Variants in PANK4 observed in about 807,000 individuals in gnomAD.
PANK4 encodes the protein pantothenate kinase 4 (inactive), also known as 4'-phosphopantetheine phosphatase.
PANK4 carries 40 observed loss-of-function variants against 87.9 expected under a neutral mutation model. The ratio of observed to expected loss-of-function variants is 0.46; its 90% confidence interval spans 0.35 to 0.59. The LOEUF is 0.59. Ranked by LOEUF, PANK4 falls within the 20% of genes least tolerant of loss-of-function variation. The probability of loss-of-function intolerance (pLI) is 0.00; values close to 1 mark genes in which losing one functional copy is unlikely to be tolerated. For synonymous variants in PANK4, 524 were observed against 467.4 expected (o/e 1.12, Z -1.56); for missense variants, 926 against 1,072.3 (o/e 0.86, Z 1.90).
intron 12 of PANK4, 90 bp downstream of exon 12, chr1:2,513,912 T>G: frequency 1.0e-6 from 1 of 954,912 alleles, no homozygotes; most frequent in Non-Finnish European, 1.7e-6. Flanking sequence ...CAGGACAGGA[T>G]GCCCCGAGCC....
chr1:2,508,750 A>T lies in PANK4; in HGVS notation c.*97T>A. On this transcript the variant is annotated 3_prime_UTR_variant, in exon 19 of 19. Coordinates refer to ENST00000378466, the MANE Select transcript of PANK4 (RefSeq NM_018216.4). The surrounding 1 kb of genome is among the most constrained non-coding windows in gnomAD (Gnocchi z 5.1). Reference sequence around the variant, plus strand: ...GGTGTATGTGCCGCGTCACAGCAGTACCATATAAATACGTTGATTTGAACG... The same window carrying T: ...GGTGTATGTGCCGCGTCACAGCAGTTCCATATAAATACGTTGATTTGAACG... 1.3e-6 allele frequency: 1 copy of T among 753,882 alleles called. No individual in the cohort carries two copies. The highest frequency in any genetic ancestry group is 2.3e-6 in the Non-Finnish European group (1 of 437,652). 46.7% of individuals were successfully genotyped at this position (753,882 alleles called of 1,614,324 possible). A position where few individuals can be genotyped will look rare whatever the true frequency, so the allele number is the denominator to read the frequency against.
intron 1 of PANK4, 31 bp downstream of exon 1, chr1:2,526,433 A>C (rs1570556161): frequency 8.4e-7 from 1 of 1,193,092 alleles, no homozygotes; most frequent in Non-Finnish European, 1.1e-6. Flanking sequence ...CCGCCCCCGC[A>C]GCCCGCGCCC....
Position 2,514,401 on chromosome 1 carries a change from G to C in PANK4, c.1440C>G (p.Phe480Leu). The C allele has an allele frequency of 6.8e-6, 11 of 1,612,436 alleles. No individual in the cohort carries two copies. The highest frequency in any genetic ancestry group is 8.5e-6 in the Non-Finnish European group (10 of 1,179,894). The change falls in exon 11 of 19, where the codon TTC (phenylalanine) becomes TTG (leucine). Residue 480 changes from phenylalanine to leucine, a missense_variant. Physicochemically the swap from Phe to Leu is conservative, Grantham distance 22. Transcript: ENST00000378466. ...GAAGCTTGTTCCAGTACTTCTGCCG[G>C]AACTTCTCCGCCCTCTCGGCTGCAT... ...SVDAAERAEKFRQKYWNKLQT... is the reference protein window; with the variant it reads ...SVDAAERAEKLRQKYWNKLQT...
chr1:2,511,790 T>C (rs1643666587), intron 13 of PANK4, 107 bp from the exon 14 acceptor site: 4 of 718,866 alleles, frequency 5.6e-6, no homozygotes, highest in Non-Finnish European at 1.0e-5. Flanking sequence ...CAGAGGCAGC[T>C]GCTCAATGTA....
At chr1:2,524,512 G>C (rs760117419) in intron 1 of PANK4, among the ~76,000 whole-genome samples, 9 of 152,138 alleles carry the variant, frequency 5.9e-5, no homozygotes, top group Non-Finnish European at 1.0e-4. Flanking sequence ...TTGAAGAGGG[G>C]AAATAAATAC....
rs1346465460 is a variant in PANK4 at position 2,515,180 on chromosome 1, C to A, written c.1374+382G>T. ...ACGCAGGAGTCCCAAGGTGGCCTCG[C>A]CGGGAGCTTGCTGGGGCTGAGTCTC... is the stretch of plus-strand genomic sequence containing the variant. On this transcript the variant is annotated intron_variant, in intron 10 of 18. Transcript: ENST00000378466. The surrounding 1 kb of genome is among the most constrained non-coding windows in gnomAD (Gnocchi z 5.0). 4.9e-6 allele frequency: 2 copies of A among 406,266 alleles called. No individual in the cohort carries two copies. Among genetic ancestry groups the A allele is most frequent in the African/African-American group, 2.0e-5 (1 of 48,932 alleles). 25.2% of individuals were successfully genotyped at this position (406,266 alleles called of 1,614,324 possible). A position where few individuals can be genotyped will look rare whatever the true frequency, so the allele number is the denominator to read the frequency against.
Position 2,518,712 on chromosome 1 carries a change from C to G in PANK4, c.1036-115G>C, listed in dbSNP as rs112832792. 8.5e-6 allele frequency: 7 copies of G among 827,618 alleles called. No homozygotes were observed. The African/African-American group carries it at 1.2e-4, about 14-fold the overall frequency. 51.3% of individuals were successfully genotyped at this position (827,618 alleles called of 1,614,324 possible). A position where few individuals can be genotyped will look rare whatever the true frequency, so the allele number is the denominator to read the frequency against. ...CGCGCGGCCCAAACCCTCGAAGAGGCGCCATGGCACCCACGGCATACTTGC... is the reference window on the plus strand; with the variant it reads ...CGCGCGGCCCAAACCCTCGAAGAGGGGCCATGGCACCCACGGCATACTTGC... On this transcript the variant is annotated intron_variant, in intron 7 of 18. Transcript: ENST00000378466.
rs748669620 is a variant in PANK4 at position 2,514,131 on chromosome 1, G to A, written c.1488-42C>T. On this transcript the variant is annotated intron_variant, in intron 11 of 18. Transcript: ENST00000378466. The stretch of plus-strand genomic sequence containing the variant: ...CAGAGGGCGCTGAGCAGGGCAGGCC[G>A]AACACCCGCCCGTCTGCCATCCTCG... 9.3e-6 allele frequency: 14 copies of A among 1,498,806 alleles called. No individual in the cohort carries two copies. The Admixed American group carries it at 1.0e-4, about 11-fold the overall frequency. The allele number at this position is 1,498,806 out of a possible 1,614,324, so 92.8% of individuals were successfully genotyped here.
intron 12 of PANK4, 126 bp downstream of exon 12, chr1:2,513,876 C>A (rs555789244): frequency 3.9e-6 from 3 of 761,598 alleles, no homozygotes; most frequent in Non-Finnish European, 7.2e-6. Context: ...GAGTTGGGGC[C>A]GCTACCAAAC....
rs1643826936 is a variant in PANK4, at chr1:2,518,553, T to C, written c.1080A>G (p.Gly360=). 2 of 1,574,676 alleles carry C rather than the reference T, an allele frequency of 1.3e-6. No homozygotes were observed. Among genetic ancestry groups the C allele is most frequent in the Non-Finnish European group, 1.7e-6 (2 of 1,159,994 alleles). The change falls in exon 8 of 19, where the codon GGA becomes GGG. Residue 360 remains glycine (G), a synonymous_variant. Coordinates refer to ENST00000378466, the MANE Select transcript of PANK4 (RefSeq NM_018216.4). The part of the protein sequence containing the change: ...ALFLRHEGYL[G]AIGAFLKGAE... ...CTCCTTTCAGGAACGCTCCGATGGC[T>C]CCCAGGTAGCCTTCGTGCCTCAGAA...
intron 10 of PANK4, among the ~76,000 whole-genome samples, chr1:2,514,747 G>A (rs1643736484): frequency 6.6e-6 from 1 of 151,942 alleles, no homozygotes; most frequent in Admixed American, 6.6e-5. Context: ...TGTGGTCAGG[G>A]CAGTTTCTAC....
At position 2,525,430 on chromosome 1, in the gene PANK4, G is replaced by A. The variant is rs578228010; in HGVS notation, c.124+1034C>T. ...TACGACCGAGATGAGTGCTAAGAGG[G>A]AGAGGTATGTGAAGCCGCAGCGGCT... On this transcript the variant is annotated intron_variant, in intron 1 of 18. Transcript: ENST00000378466. Among the ~76,000 whole-genome samples the A allele has an allele frequency of 4.9e-3, 743 of 152,236 alleles. 5 individuals are homozygous for A. Among genetic ancestry groups the A allele is most frequent in the Admixed American group, 9.0e-3 (137 of 15,300 alleles).
Position 2,520,266 on chromosome 1 carries a change from G to C in PANK4, c.699+56C>G, listed in dbSNP as rs1387437499. On this transcript the variant is annotated intron_variant, in intron 5 of 18. Coordinates refer to ENST00000378466, the MANE Select transcript of PANK4 (RefSeq NM_018216.4). This position sits in a 1 kb window ranked among gnomAD's most constrained non-coding sequence, Gnocchi z 6.2. ...ACCGCCCAGCTGCAGGCCTTCGGGG[G>C]AAGGAAGCAGACATCTCCGCAGACC... 1 of 1,517,254 alleles carries C rather than the reference G, an allele frequency of 6.6e-7. No homozygotes were observed. The highest frequency in any genetic ancestry group is 1.4e-5 in the African/African-American group (1 of 73,232). The allele number at this position is 1,517,254 out of a possible 1,614,324, so 94.0% of individuals were successfully genotyped here.
intron 9 of PANK4, chr1:2,516,026 C>T (rs2100780133): frequency 4.2e-6 from 2 of 477,130 alleles, no homozygotes; most frequent in Non-Finnish European, 7.6e-6. Flanking sequence ...CCCATCACCC[C>T]TCCTCCACCA....
At chr1:2,526,258 C>A (rs531207204) in intron 1 of PANK4, 1 of 164,092 alleles carries the variant, frequency 6.1e-6, no homozygotes, top group Non-Finnish European at 1.3e-5. Flanking sequence ...GTAGTCCGGC[C>A]GTCGCCCCGA....
rs983497166 is a variant in PANK4, at chr1:2,515,530, G to A, written c.1374+32C>T. 1 of 1,607,570 alleles carries A rather than the reference G, an allele frequency of 6.2e-7. No homozygotes were observed. Among genetic ancestry groups the A allele is most frequent in the East Asian group, 2.2e-5 (1 of 44,756 alleles). ...GGAAGGTTAACCCGGCTGCGGCCTT[G>A]GAATCGTCTAGACGGCACCCGGAGC... is the stretch of plus-strand genomic sequence containing the variant. On this transcript the variant is annotated intron_variant, in intron 10 of 18. Transcript: ENST00000378466. The surrounding 1 kb of genome is among the most constrained non-coding windows in gnomAD (Gnocchi z 5.0).
At chr1:2,523,451 A>T (rs570046719) in intron 1 of PANK4, among the ~76,000 whole-genome samples, 69 of 152,338 alleles carry the variant, frequency 4.5e-4, no homozygotes, top group Non-Finnish European at 9.8e-4. Context: ...AGATGATGCA[A>T]GAGGATGAAG....
At chr1:2,522,000 C>A in intron 1 of PANK4, 200 bp from the exon 2 acceptor site, 1 of 588,770 alleles carries the variant, frequency 1.7e-6, no homozygotes, top group South Asian at 2.0e-5. Context: ...TTTTCTTTCT[C>A]AAATTCTGCT....
intron 1 of PANK4, among the ~76,000 whole-genome samples, chr1:2,523,608 C>T (rs557618835): frequency 7.9e-5 from 12 of 152,298 alleles, no homozygotes; most frequent in African/African-American, 2.9e-4. Flanking sequence ...GGGTTGGTTT[C>T]TGCAAGATAC....
Sources: gnomAD v4.1 joint callset for allele counts (sites outside exome capture counted in the v4.1 genomes callset) on GRCh38, gnomAD v4.1.1 for gene constraint, Gnocchi (gnomAD v3.1) non-coding constraint, MANE v1.5 for transcripts, NCBI Gene and HGNC (gene_info 2026-07-23, HGNC 2026-07-21) for gene names.